MACROD2: variants seen among roughly 807,000 people sequenced by gnomAD.
MACROD2 encodes mono-ADP ribosylhydrolase 2.
MACROD2 carries 36 observed loss-of-function variants against 70.4 expected under a neutral mutation model. The ratio of observed to expected loss-of-function variants is 0.51; its 90% CI spans 0.39 to 0.68. The LOEUF is 0.68. Among genes scored for constraint, MACROD2 ranks in the 30% least tolerant of loss-of-function variants. MACROD2 has a pLI of 0.00. For missense variants in MACROD2, 496 were observed against 538.4 expected, an observed-to-expected ratio of 0.92 and a Z score of 0.78; for synonymous variants, 172 against 178.8, an observed-to-expected ratio of 0.96 and a Z score of 0.30.
chr20:15,279,510 C>G lies in MACROD2; in HGVS notation c.540+49449C>G, dbSNP rs563085731. 1.2e-4 allele frequency among the ~76,000 whole-genome samples: 18 copies of G among 152,200 alleles called. No individual in the cohort carries two copies. In the South Asian group the frequency reaches 3.5e-3, roughly 30 times the overall value. On this transcript the variant is annotated intron_variant, in intron 6 of 17. Coordinates refer to ENST00000684519, the MANE Select transcript of MACROD2 (RefSeq NM_001351661.2). ...TCAATTAATAATGCAATACCAGACT[C>G]CAAGAATACAAGACAGCAGTGTTTT... is the stretch of plus-strand genomic sequence containing the variant.
intron 8 of MACROD2, among the ~76,000 whole-genome samples, chr20:15,536,495 G>A (rs933074830): frequency 1.3e-5 from 2 of 152,134 alleles, no homozygotes; most frequent in Non-Finnish European, 2.9e-5. Flanking sequence ...AACAAAGCTA[G>A]GTGCTCTTGC....
chr20:13,997,568 A>T (rs1015310207), intron 1 of MACROD2, among the ~76,000 whole-genome samples: 1 of 152,044 alleles, frequency 6.6e-6, no homozygotes, highest in Non-Finnish European at 1.5e-5. Context: ...TGTTTCCTTC[A>T]TTTAACATCT....
intron 8 of MACROD2, among the ~76,000 whole-genome samples, chr20:15,615,264 C>G (rs909689151): frequency 6.6e-6 from 1 of 152,146 alleles, no homozygotes; most frequent in African/African-American, 2.4e-5. Context: ...AATTCACCCC[C>G]TCTCCATGTG....
intron 8 of MACROD2, among the ~76,000 whole-genome samples, chr20:15,784,918 A>C (rs1182952215): frequency 6.6e-6 from 1 of 151,950 alleles, no homozygotes; most frequent in East Asian, 1.9e-4. Context: ...GGAGGCCAAG[A>C]TGGGCAGATC....
intron 5 of MACROD2, among the ~76,000 whole-genome samples, chr20:15,128,319 A>G (rs1272521127): frequency 1.3e-5 from 2 of 152,102 alleles, no homozygotes; most frequent in Non-Finnish European, 2.9e-5. Flanking sequence ...TCTTTCTATC[A>G]GTAGAAAATG....
At chr20:15,540,798 A>G (rs1323964311) in intron 8 of MACROD2, among the ~76,000 whole-genome samples, 2 of 151,856 alleles carry the variant, frequency 1.3e-5, no homozygotes, top group Non-Finnish European at 2.9e-5. Flanking sequence ...CAGTTTGTTG[A>G]CAGTCTTTCA....
intron 7 of MACROD2, among the ~76,000 whole-genome samples, chr20:15,441,498 T>C (rs2146375452): frequency 6.6e-6 from 1 of 152,310 alleles, no homozygotes. Context: ...CTTCCTGATG[T>C]TCTGTTCCAG....
intron 8 of MACROD2, among the ~76,000 whole-genome samples, chr20:15,760,686 T>G (rs1336978140): frequency 6.6e-6 from 1 of 152,186 alleles, no homozygotes; most frequent in African/African-American, 2.4e-5. Flanking sequence ...ACTTCAAGCA[T>G]GCACACACCG....
intron 6 of MACROD2, among the ~76,000 whole-genome samples, chr20:15,292,056 T>C (rs1189884532): frequency 6.6e-6 from 1 of 152,176 alleles, no homozygotes; most frequent in Non-Finnish European, 1.5e-5. Flanking sequence ...TTTTTTGTTT[T>C]TAGAGATAGA....
intron 5 of MACROD2, among the ~76,000 whole-genome samples, chr20:14,790,267 A>G (rs1036610697): frequency 1.1e-5 from 1 of 91,228 alleles, no homozygotes; most frequent in Non-Finnish European, 2.3e-5. Flanking sequence ...TGGTTCATTT[A>G]AAAAAAAAAC....
rs374131452 is a variant in MACROD2 at position 15,997,885 on chromosome 20, T to C, written c.1153+10727T>C. ...TTCCTCTTACACTCAAATTGTTGAG[T>C]GTTTTTTTTCCTAATCATGAAAGAA... On this transcript the variant is annotated intron_variant, in intron 15 of 17. Transcript: ENST00000684519. 2.0e-5 allele frequency among the ~76,000 whole-genome samples: 3 copies of C among 152,202 alleles called. No homozygotes were observed. The South Asian group carries it at 6.2e-4, about 32-fold the overall frequency.
chr20:15,985,772 CAGG>C (rs2066472720), intron 13 of MACROD2: 1 of 152,256 alleles, frequency 6.6e-6, no homozygotes, highest in African/African-American at 2.4e-5. Flanking sequence ...AGAAACGTAG[CAGG>C]ATTAGCCGCA....
intron 7 of MACROD2, among the ~76,000 whole-genome samples, chr20:15,445,168 A>C (rs2046546008): frequency 6.6e-6 from 1 of 152,184 alleles, no homozygotes; most frequent in Admixed American, 6.5e-5. Flanking sequence ...GTCCCTTATC[A>C]TGAGAGCCAC....
chr20:15,038,012 A>G (rs1171158438), intron 5 of MACROD2, among the ~76,000 whole-genome samples: 2 of 152,188 alleles, frequency 1.3e-5, no homozygotes, highest in East Asian at 3.8e-4. Context: ...TGATTATTAT[A>G]CACTGTATAC....
chr20:14,780,454 C>A (rs1168785403), intron 5 of MACROD2, among the ~76,000 whole-genome samples: 1 of 150,658 alleles, frequency 6.6e-6, no homozygotes, highest in South Asian at 2.1e-4. Context: ...CCCAGCTACT[C>A]GGGAGGCTGA....
At chr20:15,287,340 T>A (rs1257759991) in intron 6 of MACROD2, among the ~76,000 whole-genome samples, 1 of 152,240 alleles carries the variant, frequency 6.6e-6, no homozygotes, top group Non-Finnish European at 1.5e-5. Flanking sequence ...GCTTTAATGA[T>A]GTTTTTCAGC....
At chr20:14,794,177 G>A (rs371642882) in intron 5 of MACROD2, among the ~76,000 whole-genome samples, 32 of 152,018 alleles carry the variant, frequency 2.1e-4, no homozygotes, top group Admixed American at 1.4e-3. Context: ...CTTTCATTTC[G>A]TCTACTATGA....
Position 15,152,669 on chromosome 20 carries a change from G to A in MACROD2, c.419-77271G>A, listed in dbSNP as rs560518485. ...ACACAGAGAAGGGGTTGGGGTTCTT[G>A]CCCCTCCCCCAGAAAAGTGGGACTT... On this transcript the variant is annotated intron_variant, in intron 5 of 17. Transcript: ENST00000684519. Among the ~76,000 whole-genome samples the A allele has an allele frequency of 1.1e-4, 17 of 151,878 alleles. No individual in the cohort carries two copies. The South Asian group carries it at 3.5e-3, about 31-fold the overall frequency.
At chr20:14,094,667 C>T (rs1428226092) in intron 3 of MACROD2, among the ~76,000 whole-genome samples, 1 of 152,168 alleles carries the variant, frequency 6.6e-6, no homozygotes, top group Admixed American at 6.6e-5. Context: ...CTTACCTAGA[C>T]TATTGCAGTA....
Sources: allele counts gnomAD v4.1 joint callset (sites outside exome capture counted in the v4.1 genomes callset), GRCh38; gene constraint gnomAD v4.1.1; transcripts MANE v1.5; gene names NCBI Gene and HGNC (gene_info 2026-07-23, HGNC 2026-07-21).